The following RNF17 variants were observed in gnomAD, a reference collection of about 807,000 sequenced individuals.
RNF17 encodes the protein ring finger protein 17.
In RNF17, 31 loss-of-function variants were observed where a neutral mutation model predicts 200.5. The observed-to-expected ratio is 0.15, with a 90% CI of 0.12 to 0.21. RNF17 has a LOEUF of 0.21. RNF17 is among the 10% of genes least tolerant of loss of function. The pLI is 1.00. For synonymous variants in RNF17, 606 were observed against 637.8 expected, an observed-to-expected ratio of 0.95 and a Z score of 0.75; for missense variants, 1,628 against 1,905.1, an observed-to-expected ratio of 0.85 and a Z score of 2.71.
At chr13:24,815,629 A>G (rs986599833) in intron 15 of RNF17, among the ~76,000 whole-genome samples, 20 of 152,136 alleles carry the variant, frequency 1.3e-4, no homozygotes, top group African/African-American at 4.1e-4. Context: ...ATGAAGAAGC[A>G]GGCTTCCTTG....
At chr13:24,863,618 A>C (rs1242530482) in intron 28 of RNF17, among the ~76,000 whole-genome samples, 3 of 152,240 alleles carry the variant, frequency 2.0e-5, no homozygotes, top group Admixed American at 6.5e-5. Context: ...AAAAACCTAA[A>C]GGAGGCACAC....
chr13:24,868,450 A>T (rs1290390523), intron 30 of RNF17, 150 bp from the exon 31 acceptor site: 5 of 411,946 alleles, frequency 1.2e-5, no homozygotes, highest in African/African-American at 2.6e-5. Context: ...AGCCTGGGCG[A>T]CAGAGCGAGA....
intron 13 of RNF17, 143 bp downstream of exon 13, chr13:24,800,677 G>T (rs1353794213): frequency 3.4e-6 from 2 of 584,312 alleles, no homozygotes; most frequent in Non-Finnish European, 5.6e-6. Flanking sequence ...AGTTCTAATA[G>T]AAAAGGAAAT....
intron 15 of RNF17, among the ~76,000 whole-genome samples, chr13:24,822,494 T>C (rs1246074685): frequency 1.3e-5 from 2 of 152,088 alleles, no homozygotes; most frequent in African/African-American, 4.8e-5. Context: ...TGATCTTGGC[T>C]GACTGCAACG....
Position 24,870,622 on chromosome 13 carries a change from A to G in RNF17, c.4330A>G (p.Ser1444Gly). 1 of 1,614,084 alleles carries G rather than the reference A, an allele frequency of 6.2e-7. No individual in the cohort carries two copies. Among genetic ancestry groups the G allele is most frequent in the East Asian group, 2.2e-5 (1 of 44,882 alleles). Residue 1444 changes from serine to glycine, a missense_variant, in exon 32 of 36, where the codon AGT (serine) becomes GGT (glycine). Physicochemically the swap from Ser to Gly is moderately conservative, Grantham distance 56. This residue lies in a region of RNF17 where 609 missense variants were observed against 681.9 expected (regional missense o/e 0.89). Coordinates refer to ENST00000255324, the MANE Select transcript of RNF17 (RefSeq NM_031277.3). ...AACTTCTAACCAGTCTAACCAGCAT[A>G]GTGACACAGATGATAGTGGAGTCAG... ...IETSNQSNQH[S>G]DTDDSGVSGE...
At position 24,862,702 on chromosome 13, in the gene RNF17, A is replaced by T; in HGVS notation, c.3895-11A>T. ...AGCATAAAAGAATCTGAGTTTATTA[A>T]TCTCAAATAGGTTGGGAATGTCTGG... is the stretch of plus-strand genomic sequence containing the variant. On this transcript the variant is annotated splice_polypyrimidine_tract_variant and intron_variant, in intron 27 of 35. Transcript: ENST00000255324. The T allele has an allele frequency of 1.9e-6, 3 of 1,566,572 alleles. No individual in the cohort carries two copies. Among genetic ancestry groups the T allele is most frequent in the Non-Finnish European group, 2.6e-6 (3 of 1,137,874 alleles).
At chr13:24,833,681 T>C (rs1014603513) in intron 18 of RNF17, among the ~76,000 whole-genome samples, 2 of 152,246 alleles carry the variant, frequency 1.3e-5, no homozygotes, top group African/African-American at 4.8e-5. Flanking sequence ...AGTTATTAAC[T>C]TAGATTATTT....
intron 6 of RNF17, among the ~76,000 whole-genome samples, chr13:24,785,500 C>T (rs1394714148): frequency 1.3e-5 from 2 of 152,140 alleles, no homozygotes; most frequent in Admixed American, 6.5e-5. Flanking sequence ...AAACATTAGT[C>T]AGCATGGTCT....
chr13:24,877,744 T>C (rs1418830715), intron 34 of RNF17, among the ~76,000 whole-genome samples: 1 of 152,152 alleles, frequency 6.6e-6, no homozygotes, highest in Non-Finnish European at 1.5e-5. Flanking sequence ...AAGGCTTGAA[T>C]TATGCTAATT....
chr13:24,749,738 T>TTTTTG, the RNF17 span, among the ~76,000 whole-genome samples: 9 of 152,008 alleles, frequency 5.9e-5, no homozygotes, highest in Middle Eastern at 3.2e-3. Flanking sequence ...TAATTGCTCT[T>TTTTTG]TTTTGTTTTG....
Position 24,781,941 on chromosome 13 carries a change from C to G in RNF17, c.608C>G (p.Ser203Cys), listed in dbSNP as rs200367318. Residue 203 changes from serine to cysteine, a missense_variant, in exon 6 of 36, where the codon TCC becomes TGC. Ser to Cys is a moderately radical substitution (Grantham distance 112). Coordinates refer to ENST00000255324, the MANE Select transcript of RNF17 (RefSeq NM_031277.3). ...QFDQLLAFFDSRKKNLCEEFA... is the reference protein window; with the variant it reads ...QFDQLLAFFDCRKKNLCEEFA... Reference sequence around the variant, plus strand: ...GACCAACTTTTGGCTTTTTTTGATTCCAGGTTAGTAACTTAAAAATATGGA... The same window carrying G: ...GACCAACTTTTGGCTTTTTTTGATTGCAGGTTAGTAACTTAAAAATATGGA... 4 of 1,584,506 alleles carry G rather than the reference C, an allele frequency of 2.5e-6. No homozygotes were observed. The highest frequency in any genetic ancestry group is 3.5e-6 in the Non-Finnish European group (4 of 1,156,112).
At chr13:24,801,675 A>G (rs566241158) in intron 13 of RNF17, among the ~76,000 whole-genome samples, 1 of 152,308 alleles carries the variant, frequency 6.6e-6, no homozygotes, top group African/African-American at 2.4e-5. Context: ...TCACTTAAGT[A>G]GCATAAATCT....
chr13:24,817,798 C>T (rs1887578769), intron 15 of RNF17, among the ~76,000 whole-genome samples: 1 of 151,616 alleles, frequency 6.6e-6, no homozygotes, highest in African/African-American at 2.4e-5. Context: ...CTTCAGACTT[C>T]TCTTTCTTTT....
intron 34 of RNF17, among the ~76,000 whole-genome samples, chr13:24,878,054 C>G (rs989349686): frequency 2.0e-5 from 3 of 152,196 alleles, no homozygotes; most frequent in Non-Finnish European, 4.4e-5. Context: ...AGCCACAGCC[C>G]CTTAGATAGG....
rs534862616 is a variant in RNF17, at chr13:24,768,477, G to A, written c.225+1111G>A. On this transcript the variant is annotated intron_variant, in intron 2 of 35. Coordinates refer to ENST00000255324, the MANE Select transcript of RNF17 (RefSeq NM_031277.3). ...TTTTTTGTATTTTTAATAGAGAGGG[G>A]GTTTCACCATATTAGCCAGGATGGT... is the stretch of plus-strand genomic sequence containing the variant. Among the ~76,000 whole-genome samples the A allele has an allele frequency of 6.4e-4, 97 of 151,952 alleles. No homozygotes were observed. In the Middle Eastern group the frequency reaches 0.01, roughly 16 times the overall value.
rs189785834 is a variant in RNF17 at position 24,865,348 on chromosome 13, C to T, written c.4101+350C>T. Among the ~76,000 whole-genome samples, 253 of 152,136 alleles carry T rather than the reference C, an allele frequency of 1.7e-3. 1 individual carries two copies. The highest frequency in any genetic ancestry group is 5.7e-3 in the African/African-American group (238 of 41,522). On this transcript the variant is annotated intron_variant, in intron 29 of 35. Transcript: ENST00000255324. The stretch of plus-strand genomic sequence containing the variant: ...CTTGCTCCAGATAAAATATTTTTTC[C>T]TTTTACTTGACACAAAAGCCGTGTA...
At chr13:24,758,033 G>A in the RNF17 span, among the ~76,000 whole-genome samples, 7 of 152,100 alleles carry the variant, frequency 4.6e-5, no homozygotes, top group Non-Finnish European at 1.0e-4. Flanking sequence ...TGTAAGACAC[G>A]CCAGCTTCCC....
At position 24,782,605 on chromosome 13, in the gene RNF17, T is replaced by TGG. The variant is rs35537767; in HGVS notation, c.611+669_611+670dup. ...CTAAGCTCACTTTGGGAGGCTGAGA[T>TGG]GGGGGGGGGATCTTTGAGCTCAGGA... On this transcript the variant is annotated intron_variant, in intron 6 of 35. Coordinates refer to ENST00000255324, the MANE Select transcript of RNF17 (RefSeq NM_031277.3). 3.5e-3 allele frequency among the ~76,000 whole-genome samples: 530 copies of TGG among 149,802 alleles called. 3 individuals are homozygous for TGG. Among genetic ancestry groups the TGG allele is most frequent in the South Asian group, 0.012 (58 of 4,676 alleles).
At chr13:24,812,327 C>G (rs141892073) in intron 15 of RNF17, among the ~76,000 whole-genome samples, 3 of 151,808 alleles carry the variant, frequency 2.0e-5, no homozygotes, top group Non-Finnish European at 2.9e-5. Flanking sequence ...GAGCCATGTG[C>G]GGGATATAAT....
Sources: gnomAD v4.1 joint callset for allele counts (sites outside exome capture counted in the v4.1 genomes callset) on GRCh38, gnomAD v4.1.1 for gene constraint, gnomAD v4.1.1 regional missense constraint, MANE v1.5 for transcripts, NCBI Gene and HGNC (gene_info 2026-07-23, HGNC 2026-07-21) for gene names.